The following ST6GAL2 variants were observed in gnomAD, a reference collection of about 807,000 sequenced individuals.
ST6GAL2 encodes the protein beta-galactoside alpha-2,6-sialyltransferase 2.
ST6GAL2 carries 24 observed loss-of-function variants against 37.5 expected under a neutral mutation model. The observed-to-expected ratio is 0.64, with a 90% CI of 0.46 to 0.90. The LOEUF (loss-of-function observed/expected upper bound fraction) is 0.90. Among genes scored for constraint, ST6GAL2 ranks in the 40% least tolerant of loss-of-function variants. The pLI, the probability that ST6GAL2 is intolerant of heterozygous loss-of-function variation, is 0.00. For missense variants in ST6GAL2, 715 were observed against 712.7 expected (o/e 1.00, Z -0.04); for synonymous variants, 306 against 295.1 (o/e 1.04, Z -0.38).
chr2:106,844,234 C>A (rs1379632432), intron 1 of ST6GAL2, among the ~76,000 whole-genome samples, 200 bp from the exon 2 acceptor site: 1 of 147,442 alleles, frequency 6.8e-6, no homozygotes, highest in Non-Finnish European at 1.5e-5. Flanking sequence ...CTCCCACCAA[C>A]CTCTGCAAAA....
intron 5 of ST6GAL2, among the ~76,000 whole-genome samples, chr2:106,822,303 T>C (rs182678453): frequency 1.3e-5 from 2 of 152,224 alleles, no homozygotes; most frequent in African/African-American, 4.8e-5. Flanking sequence ...AAACATTCAG[T>C]AAAGTTGCAG....
intron 5 of ST6GAL2, among the ~76,000 whole-genome samples, chr2:106,808,327 A>C (rs976206201): frequency 6.6e-6 from 1 of 152,214 alleles, no homozygotes; most frequent in Non-Finnish European, 1.5e-5. Flanking sequence ...CAGAGTCAGC[A>C]AGGATAGCTT....
In ST6GAL2 at chr2:106,828,284, A is replaced by G. The variant is rs1440963296; in HGVS notation, c.1318+1782T>C. On this transcript the variant is annotated intron_variant, in intron 5 of 5. Coordinates refer to ENST00000409382, the MANE Select transcript of ST6GAL2 (RefSeq NM_001142351.2). ...AGGGTGACAATATGAAAAAGACTTT[A>G]TTAAACTTCTGTCACATCCTATTAT... 2.0e-5 allele frequency among the ~76,000 whole-genome samples: 3 copies of G among 152,246 alleles called. No homozygotes were observed. In the South Asian group the frequency reaches 6.2e-4, roughly 31 times the overall value.
Position 106,802,742 on chromosome 2 carries a change from G to A in ST6GAL2, c.*3936C>T, listed in dbSNP as rs1186958367. On this transcript the variant is annotated 3_prime_UTR_variant, in exon 6 of 6. Transcript: ENST00000409382. The stretch of plus-strand genomic sequence containing the variant: ...GTTCTAAACTATCAGAATCAAAACA[G>A]ACAATACAATAGAACATACTTGGAA... 6.6e-6 allele frequency: 1 copy of A among 152,144 alleles called. No homozygotes were observed. Among genetic ancestry groups the A allele is most frequent in the Non-Finnish European group, 1.5e-5 (1 of 68,028 alleles). 9.4% of individuals were successfully genotyped at this position (152,144 alleles called of 1,614,324 possible).
chr2:106,844,937 G>A (rs544065901), intron 1 of ST6GAL2, among the ~76,000 whole-genome samples: 2 of 152,080 alleles, frequency 1.3e-5, no homozygotes, highest in Admixed American at 1.3e-4. Context: ...TAGTACCAAA[G>A]GAAACACAAA....
rs1675296380 is a variant in ST6GAL2 at position 106,802,684 on chromosome 2, C to A, written c.*3994G>T. 1 of 152,126 alleles carries A rather than the reference C, an allele frequency of 6.6e-6. No individual in the cohort carries two copies. 9.4% of individuals were successfully genotyped at this position (152,126 alleles called of 1,614,324 possible). A position where few individuals can be genotyped will look rare whatever the true frequency, so the allele number is the denominator to read the frequency against. ...GGAGTTGCCTTGATCAGTCATGTAA[C>A]CACTGGGTAAGAGTTCTAAACTATC... On this transcript the variant is annotated 3_prime_UTR_variant, in exon 6 of 6. Transcript: ENST00000409382.
At chr2:106,865,081 T>G (rs13400518) in intron 1 of ST6GAL2, among the ~76,000 whole-genome samples, 2,639 of 152,204 alleles carry the variant, frequency 0.017, 70 homozygotes, top group African/African-American at 0.061. Context: ...TATGAGTATT[T>G]CCACCACACA....
intron 1 of ST6GAL2, among the ~76,000 whole-genome samples, chr2:106,860,278 T>C (rs1310585997): frequency 1.3e-5 from 2 of 152,170 alleles, no homozygotes; most frequent in Non-Finnish European, 2.9e-5. Context: ...GTGATCTGTC[T>C]TTCTGGCTGA....
At chr2:106,882,473 T>C (rs1421510875) in intron 1 of ST6GAL2, among the ~76,000 whole-genome samples, 1 of 152,260 alleles carries the variant, frequency 6.6e-6, no homozygotes, top group Non-Finnish European at 1.5e-5. Flanking sequence ...AATGGCAGGA[T>C]GTAGTACATC....
chr2:106,833,669 G>A (rs556237042), intron 3 of ST6GAL2, among the ~76,000 whole-genome samples: 12 of 152,192 alleles, frequency 7.9e-5, no homozygotes, highest in African/African-American at 2.9e-4. Flanking sequence ...GATCTCCTAT[G>A]AACTCAGATT....
intron 1 of ST6GAL2, among the ~76,000 whole-genome samples, chr2:106,863,548 A>G (rs1677895028): frequency 6.6e-6 from 1 of 152,138 alleles, no homozygotes; most frequent in Admixed American, 6.5e-5. Context: ...GCAGACCATG[A>G]TGAAGTGGCA....
intron 1 of ST6GAL2, among the ~76,000 whole-genome samples, chr2:106,855,660 C>T (rs1677546127): frequency 6.6e-6 from 1 of 151,964 alleles, no homozygotes; most frequent in Non-Finnish European, 1.5e-5. Context: ...TACATAAACT[C>T]TTATTATATT....
At position 106,843,334 on chromosome 2, in the gene ST6GAL2, T is replaced by C. The variant is rs1676988134; in HGVS notation, c.644A>G (p.Lys215Arg). 1.9e-6 allele frequency: 3 copies of C among 1,614,052 alleles called. No homozygotes were observed. The highest frequency in any genetic ancestry group is 2.2e-5 in the East Asian group (1 of 44,836). ...CTTCTGCAGGCGCGGGTTCAGCATT[T>C]TGGAAGAGACGTTCCCCTTCCAGAG... ...YRLWKGNVSS[K>R]MLNPRLQKAM... Residue 215 changes from lysine (K) to arginine (R), a missense_variant, in exon 2 of 6, where the codon AAA (lysine) becomes AGA (arginine). This residue lies in a region of ST6GAL2 where 512 missense variants were observed against 488.8 expected (regional missense o/e 1.05). Coordinates refer to ENST00000409382, the MANE Select transcript of ST6GAL2 (RefSeq NM_001142351.2).
chr2:106,879,877 T>TAG (rs1250307805), intron 1 of ST6GAL2, among the ~76,000 whole-genome samples: 2 of 147,936 alleles, frequency 1.4e-5, no homozygotes, highest in Non-Finnish European at 3.0e-5. Context: ...ATTATACATA[T>TAG]AGACCTATAT....
At chr2:106,820,806 C>T (rs1222479868) in intron 5 of ST6GAL2, among the ~76,000 whole-genome samples, 1 of 151,828 alleles carries the variant, frequency 6.6e-6, no homozygotes, top group East Asian at 1.9e-4. Context: ...TGGAATAAAA[C>T]TAGAATTAAC....
intron 1 of ST6GAL2, among the ~76,000 whole-genome samples, chr2:106,876,510 A>T (rs1363965500): frequency 9.2e-5 from 14 of 152,176 alleles, no homozygotes; most frequent in Admixed American, 9.2e-4. Context: ...TTTAAAAGTT[A>T]TTTTGTTTAA....
chr2:106,858,777 G>A (rs887680383), intron 1 of ST6GAL2, among the ~76,000 whole-genome samples: 6 of 152,076 alleles, frequency 3.9e-5, no homozygotes, highest in South Asian at 2.1e-4. Context: ...AGAAGGGATC[G>A]TGATCCACTC....
rs762186268 is a variant in ST6GAL2 at position 106,806,556 on chromosome 2, C to T, written c.*122G>A. 6.6e-6 allele frequency: 7 copies of T among 1,065,808 alleles called. No homozygotes were observed. The highest frequency in any genetic ancestry group is 9.6e-6 in the Non-Finnish European group (7 of 730,882). 66.0% of individuals were successfully genotyped at this position (1,065,808 alleles called of 1,614,324 possible). The stretch of plus-strand genomic sequence containing the variant: ...AGAAAGAGAAGGATTATCATGACCA[C>T]CACTAAATTACTGTTTAAAGACTCA... On this transcript the variant is annotated 3_prime_UTR_variant, in exon 6 of 6. Coordinates refer to ENST00000409382, the MANE Select transcript of ST6GAL2 (RefSeq NM_001142351.2).
chr2:106,830,296 A>T lies in ST6GAL2; in HGVS notation c.1144-56T>A, dbSNP rs2104467042. ...AGAAAGAACTAAACTATGAAAGGAGACAGGGCATGGCTGGTTGATTTGAGG... is the reference window on the plus strand; with the variant it reads ...AGAAAGAACTAAACTATGAAAGGAGTCAGGGCATGGCTGGTTGATTTGAGG... On this transcript the variant is annotated intron_variant, in intron 4 of 5. Coordinates refer to ENST00000409382, the MANE Select transcript of ST6GAL2 (RefSeq NM_001142351.2). 2.0e-6 allele frequency: 3 copies of T among 1,488,278 alleles called. No individual in the cohort carries two copies. The South Asian group carries it at 3.5e-5, about 18-fold the overall frequency. 92.2% of individuals were successfully genotyped at this position (1,488,278 alleles called of 1,614,324 possible). A position where few individuals can be genotyped will look rare whatever the true frequency, so the allele number is the denominator to read the frequency against.
Sources: gnomAD v4.1 joint callset for allele counts (sites outside exome capture counted in the v4.1 genomes callset) on GRCh38, gnomAD v4.1.1 for gene constraint, gnomAD v4.1.1 regional missense constraint, MANE v1.5 for transcripts, NCBI Gene and HGNC (gene_info 2026-07-23, HGNC 2026-07-21) for gene names.